The following KIAA1217 variants were observed in gnomAD, a reference collection of about 807,000 sequenced individuals.
The protein encoded by KIAA1217 is KIAA1217.
A neutral mutation model predicts 163.9 loss-of-function variants in KIAA1217; 88 were observed. The ratio of observed to expected loss-of-function variants is 0.54; its 90% CI spans 0.45 to 0.64. The LOEUF (loss-of-function observed/expected upper bound fraction) is 0.64, where lower values mean the gene tolerates loss of function less well. Among genes scored for constraint, KIAA1217 ranks in the 30% least tolerant of loss-of-function variants. The pLI is 0.00. For synonymous variants in KIAA1217, 903 were observed against 923.1 expected, an observed-to-expected ratio of 0.98 and a Z score of 0.39; for missense variants, 2,372 against 2,475.0, an observed-to-expected ratio of 0.96 and a Z score of 0.88.
chr10:24,069,731 G>A (rs559655162), intron 2 of KIAA1217, among the ~76,000 whole-genome samples: 2 of 152,166 alleles, frequency 1.3e-5, no homozygotes, highest in Non-Finnish European at 2.9e-5. Flanking sequence ...ATTTATTGCT[G>A]TTGAATCAAT....
Position 24,316,635 on chromosome 10 carries a change from A to T in KIAA1217, c.355-64234A>T, listed in dbSNP as rs150902867. ...TTTCATTGTCCTCATCCACAGATACAGACACTTTGGTGACTCTGTGTTCTA... is the reference window on the plus strand; with the variant it reads ...TTTCATTGTCCTCATCCACAGATACTGACACTTTGGTGACTCTGTGTTCTA... On this transcript the variant is annotated intron_variant, in intron 2 of 20. Coordinates refer to ENST00000376454, the MANE Select transcript of KIAA1217 (RefSeq NM_019590.5). Among the ~76,000 whole-genome samples, 15 of 152,282 alleles carry T rather than the reference A, an allele frequency of 9.9e-5. No individual in the cohort carries two copies. In the East Asian group the frequency reaches 2.7e-3, roughly 27 times the overall value.
chr10:24,164,144 A>C lies in KIAA1217; in HGVS notation c.-170-55482A>C, dbSNP rs2065238096. On this transcript the variant is annotated intron_variant, in intron 2 of 18. Coordinates refer to the KIAA1217 transcript ENST00000376462. ...TACTAGCCTAGAGTGAGCTAAGGAC[A>C]GGGGACAACCTCTTGGGAGACTGAA... Among the ~76,000 whole-genome samples the C allele has an allele frequency of 2.0e-5, 3 of 152,222 alleles. No individual in the cohort carries two copies. In the South Asian group the frequency reaches 6.2e-4, roughly 32 times the overall value.
At chr10:24,389,584 CA>C (rs2054559204) in intron 3 of KIAA1217, among the ~76,000 whole-genome samples, 2 of 151,430 alleles carry the variant, frequency 1.3e-5, no homozygotes, top group African/African-American at 4.9e-5. Context: ...AATACAACAA[CA>C]ACCACAACAA....
chr10:23,743,914 T>C (rs1839259300), intron 1 of KIAA1217, among the ~76,000 whole-genome samples: 1 of 151,494 alleles, frequency 6.6e-6, no homozygotes, highest in South Asian at 2.1e-4. Context: ...AAAAAATAAA[T>C]GTCTCTGAGA....
At chr10:23,997,958 C>CA (rs1446316289) in intron 1 of KIAA1217, among the ~76,000 whole-genome samples, 1 of 149,728 alleles carries the variant, frequency 6.7e-6, no homozygotes, top group African/African-American at 2.4e-5. Flanking sequence ...TCCCTGAAGC[C>CA]AGGAGGTATG....
intron 5 of KIAA1217, among the ~76,000 whole-genome samples, chr10:24,445,575 C>T (rs1171010614): frequency 7.2e-6 from 1 of 139,486 alleles, no homozygotes; most frequent in African/African-American, 2.7e-5. Context: ...GTTCCCCTTC[C>T]TGTGTCCATG....
chr10:24,511,523 T>G (rs1034690970), intron 9 of KIAA1217, among the ~76,000 whole-genome samples: 5 of 152,038 alleles, frequency 3.3e-5, no homozygotes, highest in African/African-American at 1.2e-4. Flanking sequence ...GGTGGGCACC[T>G]GTAATCCCAG....
intron 2 of KIAA1217, among the ~76,000 whole-genome samples, chr10:24,244,246 T>C (rs540058863): frequency 6.6e-6 from 1 of 152,336 alleles, no homozygotes; most frequent in Non-Finnish European, 1.5e-5. Context: ...TAACTGGAAG[T>C]TCCTCTCGGC....
intron 10 of KIAA1217, 97 bp downstream of exon 10, chr10:24,513,531 CTCTT>C (rs1369342886): frequency 8.6e-7 from 1 of 1,166,516 alleles, no homozygotes; most frequent in African/African-American, 1.5e-5. Flanking sequence ...GTCTTGCCCT[CTCTT>C]TATTGAGCAC....
At chr10:23,990,088 T>G (rs1846154768) in intron 1 of KIAA1217, among the ~76,000 whole-genome samples, 1 of 152,230 alleles carries the variant, frequency 6.6e-6, no homozygotes, top group African/African-American at 2.4e-5. Flanking sequence ...TCCCCTTTTT[T>G]ATGGTATCAT....
chr10:23,935,058 A>G (rs1315449974), intron 1 of KIAA1217, among the ~76,000 whole-genome samples: 1 of 152,134 alleles, frequency 6.6e-6, no homozygotes, highest in Non-Finnish European at 1.5e-5. Flanking sequence ...TGTTCATATT[A>G]CCTCCATCAC....
chr10:23,706,603 C>T (rs1159613404), intron 1 of KIAA1217, among the ~76,000 whole-genome samples: 1 of 152,032 alleles, frequency 6.6e-6, no homozygotes, highest in African/African-American at 2.4e-5. Context: ...ACCTTGCATT[C>T]TTGGGATAAA....
intron 2 of KIAA1217, among the ~76,000 whole-genome samples, chr10:24,110,781 T>C (rs1018751546): frequency 1.3e-5 from 2 of 152,258 alleles, no homozygotes; most frequent in African/African-American, 4.8e-5. Flanking sequence ...GTTTCTGCAT[T>C]GTAAATTTGG....
chr10:23,895,373 T>C (rs1452997332), intron 1 of KIAA1217, among the ~76,000 whole-genome samples: 3 of 151,960 alleles, frequency 2.0e-5, no homozygotes, highest in African/African-American at 7.2e-5. Flanking sequence ...TTTATGCAGC[T>C]AAAAAAACAC....
chr10:24,243,574 A>G (rs1483981055), intron 2 of KIAA1217, among the ~76,000 whole-genome samples: 1 of 151,976 alleles, frequency 6.6e-6, no homozygotes, highest in Non-Finnish European at 1.5e-5. Context: ...TCCAGCTCCA[A>G]CCATGTTACT....
intron 1 of KIAA1217, among the ~76,000 whole-genome samples, chr10:23,860,594 T>G: frequency 6.6e-6 from 1 of 152,216 alleles, no homozygotes; most frequent in East Asian, 1.9e-4. Flanking sequence ...TTCCTTTATG[T>G]GTAAACAATT....
chr10:24,225,060 T>G (rs960837633), intron 2 of KIAA1217, among the ~76,000 whole-genome samples: 13 of 151,886 alleles, frequency 8.6e-5, no homozygotes, highest in African/African-American at 3.1e-4. Context: ...CTCCTGACAT[T>G]GTGATCTGCC....
chr10:24,299,172 T>TG (rs1395968065), intron 2 of KIAA1217, among the ~76,000 whole-genome samples: 1 of 152,186 alleles, frequency 6.6e-6, no homozygotes, highest in Admixed American at 6.5e-5. Context: ...TTAGAGAAGT[T>TG]GACCGAGTTT....
At chr10:23,879,856 G>GGAACA (rs1177283156) in intron 1 of KIAA1217, among the ~76,000 whole-genome samples, 3 of 151,870 alleles carry the variant, frequency 2.0e-5, no homozygotes, top group African/African-American at 7.3e-5. Flanking sequence ...AAGAATTGAT[G>GGAACA]GAACAATCCC....
Sources: gnomAD v4.1 joint callset for allele counts (sites outside exome capture counted in the v4.1 genomes callset) on GRCh38, gnomAD v4.1.1 for gene constraint, MANE v1.5 for transcripts, NCBI Gene and HGNC (gene_info 2026-07-23, HGNC 2026-07-21) for gene names.